PANK2: variants seen among roughly 807,000 people sequenced by gnomAD.
The protein encoded by PANK2 is pantothenate kinase 2, mitochondrial.
A neutral mutation model predicts 43.1 loss-of-function variants in PANK2; 36 were observed. The observed-to-expected ratio is 0.84, with a 90% confidence interval of 0.64 to 1.10. PANK2 has a LOEUF of 1.10. Ranked by LOEUF, PANK2 falls within the 50% of genes least tolerant of loss-of-function variation. The pLI, the probability that PANK2 is intolerant of heterozygous loss-of-function variation, is 0.00. For synonymous variants in PANK2, 281 were observed against 238.2 expected (o/e 1.18, Z -1.66); for missense variants, 576 against 593.3 (o/e 0.97, Z 0.30).
intron 4 of PANK2, among the ~76,000 whole-genome samples, chr20:3,915,052 G>A (rs6116099): frequency 0.015 from 2,276 of 152,152 alleles, 69 homozygotes; most frequent in African/African-American, 0.052. Context: ...TACATAATTC[G>A]CAAATGTTTT....
Position 3,910,783 on chromosome 20 carries a change from C to T in PANK2, c.858C>T (p.Ile286=), listed in dbSNP as rs2090457293. ...TGAACATTGGCTCAGGGGTTAGCAT[C>T]TTAGCAGTATATTCCAAAGATAATT... Residue 286 remains isoleucine (I), a synonymous_variant, in exon 3 of 7, where the codon ATC becomes ATT. Coordinates refer to ENST00000610179, the MANE Select transcript of PANK2 (RefSeq NM_001386393.1). 6.2e-7 allele frequency: 1 copy of T among 1,613,998 alleles called. No individual in the cohort carries two copies. The highest frequency in any genetic ancestry group is 8.5e-7 in the Non-Finnish European group (1 of 1,180,020).
rs1240104286 is a variant in PANK2 at position 3,923,463 on chromosome 20, T to A, written c.*169T>A. 1 of 733,304 alleles carries A rather than the reference T, an allele frequency of 1.4e-6. No homozygotes were observed. The highest frequency in any genetic ancestry group is 1.8e-5 in the African/African-American group (1 of 55,996). 45.4% of individuals were successfully genotyped at this position (733,304 alleles called of 1,614,324 possible). On this transcript the variant is annotated 3_prime_UTR_variant, in exon 7 of 7. Coordinates refer to ENST00000610179, the MANE Select transcript of PANK2 (RefSeq NM_001386393.1). The stretch of plus-strand genomic sequence containing the variant: ...TAAATCCTTAAGAATTCAGTCTAAA[T>A]TAGCAACCAGGAAGGAAAAATATAT...
At chr20:3,901,525 C>T in intron 1 of PANK2, 1 of 745,162 alleles carries the variant, frequency 1.3e-6, no homozygotes, top group African/African-American at 1.9e-5. Context: ...CAGAATCTAT[C>T]TTTTCTTCCC....
At chr20:3,893,292 G>A (rs2090152986) in intron 1 of PANK2, among the ~76,000 whole-genome samples, 1 of 152,172 alleles carries the variant, frequency 6.6e-6, no homozygotes, top group Non-Finnish European at 1.5e-5. Context: ...GGGAAGGTAT[G>A]TGTGATGTAA....
rs778464738 is a variant in PANK2, at chr20:3,889,464, C to T, written c.34C>T (p.Leu12=). 1.3e-6 allele frequency: 2 copies of T among 1,543,568 alleles called. No homozygotes were observed. Among genetic ancestry groups the T allele is most frequent in the Non-Finnish European group, 8.7e-7 (1 of 1,152,168 alleles). Residue 12 remains leucine, a synonymous_variant, in exon 1 of 7, where the codon CTG becomes TTG. Coordinates refer to ENST00000610179, the MANE Select transcript of PANK2 (RefSeq NM_001386393.1). The stretch of plus-strand genomic sequence containing the variant: ...CTTGCTCGGGCGGCAGCGACTGCTG[C>T]TGCGGATGGGAGGGGGCCGGCTCGG...
intron 1 of PANK2, chr20:3,890,051 C>T (rs2090094719): frequency 2.7e-6 from 2 of 754,046 alleles, no homozygotes; most frequent in East Asian, 3.9e-5. Flanking sequence ...GAGAAGGCTT[C>T]TTTTGACTCA....
intron 2 of PANK2, among the ~76,000 whole-genome samples, chr20:3,909,944 T>C (rs983162279): frequency 6.6e-6 from 1 of 152,180 alleles, no homozygotes; most frequent in African/African-American, 2.4e-5. Flanking sequence ...GAATAATAAT[T>C]TAGTCATTCC....
chr20:3,900,787 G>T (rs1037168243), intron 1 of PANK2, among the ~76,000 whole-genome samples: 1 of 151,192 alleles, frequency 6.6e-6, no homozygotes, highest in Non-Finnish European at 1.5e-5. Context: ...AGTTTTTTTT[G>T]AGATGAAGTC....
At chr20:3,914,205 T>C (rs1330063608) in intron 4 of PANK2, among the ~76,000 whole-genome samples, 1 of 152,086 alleles carries the variant, frequency 6.6e-6, no homozygotes, top group African/African-American at 2.4e-5. Context: ...AAAGTGGCAG[T>C]CCCATTTTAC....
Position 3,924,695 on chromosome 20 carries a change from T to C in PANK2, c.*1401T>C. 6.5e-6 allele frequency: 1 copy of C among 153,178 alleles called. No homozygotes were observed. Among genetic ancestry groups the C allele is most frequent in the Non-Finnish European group, 1.5e-5 (1 of 68,682 alleles). The allele number at this position is 153,178 out of a possible 1,614,324, so 9.5% of individuals were successfully genotyped here. A position where few individuals can be genotyped will look rare whatever the true frequency, so the allele number is the denominator to read the frequency against. On this transcript the variant is annotated 3_prime_UTR_variant, in exon 7 of 7. Coordinates refer to ENST00000610179, the MANE Select transcript of PANK2 (RefSeq NM_001386393.1). ...CTGCTGTTTGCAGGCTCCTGGCCTATACTACCTCTGACGCCCTGATCCTGA... is the reference window on the plus strand; with the variant it reads ...CTGCTGTTTGCAGGCTCCTGGCCTACACTACCTCTGACGCCCTGATCCTGA...
intron 6 of PANK2, among the ~76,000 whole-genome samples, chr20:3,920,190 A>G (rs1785077225): frequency 6.7e-6 from 1 of 149,206 alleles, no homozygotes; most frequent in Admixed American, 6.7e-5. Context: ...TAGGTAGAAC[A>G]TGGAGATTAG....
intron 1 of PANK2, among the ~76,000 whole-genome samples, chr20:3,900,034 A>T (rs535698130): frequency 3.3e-5 from 5 of 151,016 alleles, no homozygotes; most frequent in African/African-American, 1.2e-4. Context: ...CACATGAGAG[A>T]GTTTTTTTTT....
rs2090708801 is a variant in PANK2, at chr20:3,925,600, CCTCAT to C, written c.*2311_*2315del. The C allele has an allele frequency of 6.6e-6, 1 of 152,268 alleles. No individual in the cohort carries two copies. The highest frequency in any genetic ancestry group is 2.4e-5 in the African/African-American group (1 of 41,428). 9.4% of individuals were successfully genotyped at this position (152,268 alleles called of 1,614,324 possible). Reference sequence around the variant, plus strand: ...ACCGAATCTGGCATTCATTTCACAGCCTCATCTCAGTTCTCACTCAGCAGAGCCCT... The same window carrying C: ...ACCGAATCTGGCATTCATTTCACAGCCTCAGTTCTCACTCAGCAGAGCCCT... On this transcript the variant is annotated 3_prime_UTR_variant, in exon 7 of 7. Transcript: ENST00000610179.
intron 1 of PANK2, among the ~76,000 whole-genome samples, chr20:3,893,886 C>G (rs1198039931): frequency 6.6e-6 from 1 of 150,474 alleles, no homozygotes; most frequent in Non-Finnish European, 1.5e-5. Context: ...GCTTTGTGGC[C>G]CATTGGGAGA....
chr20:3,895,087 T>G (rs1484566255), intron 1 of PANK2, among the ~76,000 whole-genome samples: 2 of 152,012 alleles, frequency 1.3e-5, no homozygotes, highest in African/African-American at 4.8e-5. Context: ...AAGACCAGCT[T>G]GGGCAACATA....
In PANK2 at chr20:3,911,442, G is replaced by T. The variant is rs575651635; in HGVS notation, c.905+612G>T. On this transcript the variant is annotated intron_variant, in intron 3 of 6. Transcript: ENST00000610179. ...TACTAAAAATACAAAAATTAGCCGG[G>T]CGCAGTGGCAGGCGCCTGTGAATCC... 8.5e-4 allele frequency among the ~76,000 whole-genome samples: 128 copies of T among 150,848 alleles called. 1 individual carries two copies. Among genetic ancestry groups the T allele is most frequent in the Non-Finnish European group, 1.7e-3 (112 of 67,810 alleles).
intron 1 of PANK2, among the ~76,000 whole-genome samples, chr20:3,892,506 C>A (rs762137842): frequency 6.6e-6 from 1 of 151,750 alleles, no homozygotes; most frequent in African/African-American, 2.4e-5. Context: ...GAAACCCTAT[C>A]TCTACTAAAA....
At chr20:3,904,539 C>T (rs2090355084) in intron 1 of PANK2, among the ~76,000 whole-genome samples, 1 of 152,080 alleles carries the variant, frequency 6.6e-6, no homozygotes, top group South Asian at 2.1e-4. Context: ...GATTGCACTC[C>T]AGCCTGGGAA....
chr20:3,891,265 C>T (rs1279980837), intron 1 of PANK2: 1 of 152,062 alleles, frequency 6.6e-6, no homozygotes, highest in Non-Finnish European at 1.5e-5. Flanking sequence ...CTTATGTTGC[C>T]CAGGCTGGTC....
Sources: allele counts gnomAD v4.1 joint callset (sites outside exome capture counted in the v4.1 genomes callset), GRCh38; gene constraint gnomAD v4.1.1; transcripts MANE v1.5; gene names NCBI Gene and HGNC (gene_info 2026-07-23, HGNC 2026-07-21).